OR51B5: variants seen among roughly 807,000 people sequenced by gnomAD.
OR51B5 encodes olfactory receptor family 51 subfamily B member 5, also known as olfactory receptor 51B5.
For synonymous variants in OR51B5, 186 were observed against 144.8 expected, an observed-to-expected ratio of 1.28 and a Z score of -2.04; for missense variants, 456 against 374.6, an observed-to-expected ratio of 1.22 and a Z score of -1.79.
At chr11:5,343,018 G>A in exon 1 of OR51B5, 2 of 1,613,792 alleles carry the variant, frequency 1.2e-6, no homozygotes, top group Admixed American at 3.3e-5. Context: ...AAAGAACATG[G>A]GAGTGACAAT....
chr11:5,430,752 CA>C (rs1564811100), intron 1 of OR51B5: 1 of 456,956 alleles, frequency 2.2e-6, no homozygotes, highest in Non-Finnish European at 4.4e-6. Context: ...CAGGTGGCAC[CA>C]AAAGGCAGAT....
chr11:5,497,115 C>A (rs1244465367), intron 1 of OR51B5, among the ~76,000 whole-genome samples: 1 of 152,124 alleles, frequency 6.6e-6, no homozygotes, highest in East Asian at 1.9e-4. Context: ...CTTGTTTCTC[C>A]TAAGACACTT....
intron 1 of OR51B5, among the ~76,000 whole-genome samples, chr11:5,474,159 T>C (rs1336489784): frequency 2.0e-5 from 3 of 152,196 alleles, no homozygotes; most frequent in African/African-American, 7.2e-5. Context: ...TTCATATGCA[T>C]TATTTAATAT....
At chr11:5,436,830 C>A (rs1189339766) in intron 1 of OR51B5, among the ~76,000 whole-genome samples, 1 of 152,174 alleles carries the variant, frequency 6.6e-6, no homozygotes, top group Non-Finnish European at 1.5e-5. Context: ...AAGACACAGA[C>A]TGATCAAAGT....
intron 1 of OR51B5, among the ~76,000 whole-genome samples, chr11:5,425,192 G>GA (rs1850430002): frequency 1.3e-5 from 2 of 151,966 alleles, no homozygotes; most frequent in East Asian, 1.9e-4. Flanking sequence ...TCCAAATGCT[G>GA]AAAAAAGTCA....
At chr11:5,415,852 G>A (rs1211664063) in intron 1 of OR51B5, among the ~76,000 whole-genome samples, 7 of 151,824 alleles carry the variant, frequency 4.6e-5, no homozygotes, top group African/African-American at 1.5e-4. Context: ...GAGGTACAAG[G>A]AGGAACTGGT....
At chr11:5,374,693 C>T (rs1306420360) in intron 1 of OR51B5, among the ~76,000 whole-genome samples, 2 of 152,102 alleles carry the variant, frequency 1.3e-5, no homozygotes, top group Admixed American at 6.5e-5. Context: ...AATGGAGAAG[C>T]CTCAGGAGCT....
At chr11:5,388,681 C>CT (rs1319564797) in intron 1 of OR51B5, among the ~76,000 whole-genome samples, 2 of 150,744 alleles carry the variant, frequency 1.3e-5, no homozygotes, top group Non-Finnish European at 3.0e-5. Context: ...CATTTTAAAC[C>CT]TTTTTTACTT....
intron 1 of OR51B5, among the ~76,000 whole-genome samples, chr11:5,425,367 G>T (rs1030586656): frequency 6.6e-6 from 1 of 152,162 alleles, no homozygotes; most frequent in Admixed American, 6.5e-5. Context: ...GATATCTATC[G>T]ATGCAATTTT....
At chr11:5,449,831 A>G (rs1253611222) in intron 1 of OR51B5, among the ~76,000 whole-genome samples, 3 of 152,126 alleles carry the variant, frequency 2.0e-5, no homozygotes, top group African/African-American at 4.8e-5. Flanking sequence ...ATACGTAAAA[A>G]TCTCCAGGAT....
At position 5,431,894 on chromosome 11, in the gene OR51B5, T is replaced by G. The variant is rs558458452; in HGVS notation, n.84+73675A>C. ...TTAAAAAAGTTTTAAATACTTTTTA[T>G]GGATGCATAATATTTGTACATATTT... is the stretch of plus-strand genomic sequence containing the variant. On this transcript the variant is annotated intron_variant and non_coding_transcript_variant, in intron 1 of 4. Transcript: ENST00000415970. Among the ~76,000 whole-genome samples, 10 of 152,342 alleles carry G rather than the reference T, an allele frequency of 6.6e-5. No homozygotes were observed. In the South Asian group the frequency reaches 1.9e-3, roughly 28 times the overall value.
chr11:5,373,829 G>C (rs974518389), intron 1 of OR51B5, among the ~76,000 whole-genome samples: 3 of 152,240 alleles, frequency 2.0e-5, no homozygotes, highest in African/African-American at 7.2e-5. Flanking sequence ...CAGCCAGGAA[G>C]CTCAAACTGG....
intron 1 of OR51B5, among the ~76,000 whole-genome samples, chr11:5,355,907 G>T (rs1849186684): frequency 6.6e-6 from 1 of 152,140 alleles, no homozygotes; most frequent in African/African-American, 2.4e-5. Flanking sequence ...AAAATCTGCT[G>T]CAAGCTGAGG....
chr11:5,390,378 G>A lies in OR51B5; in HGVS notation n.85-43468C>T, dbSNP rs539847205. ...CTAGGTCTTAAAAAGGCCAGTAAATGAGTCCTGGGGCTAAAACTCCCCCTA... is the reference window on the plus strand; with the variant it reads ...CTAGGTCTTAAAAAGGCCAGTAAATAAGTCCTGGGGCTAAAACTCCCCCTA... On this transcript the variant is annotated intron_variant and non_coding_transcript_variant, in intron 1 of 4. Transcript: ENST00000415970. 107 of 1,585,520 alleles carry A rather than the reference G, an allele frequency of 6.7e-5. No homozygotes were observed. The South Asian group carries it at 1.1e-3, about 16-fold the overall frequency.
chr11:5,393,321 T>C (rs1255816587), intron 1 of OR51B5: 1 of 152,156 alleles, frequency 6.6e-6, no homozygotes, highest in Non-Finnish European at 1.5e-5. Flanking sequence ...AGCATATTCA[T>C]TTGATACACT....
exon 1 of OR51B5, chr11:5,505,595 C>T (rs1291643285): frequency 2.8e-6 from 2 of 714,702 alleles, no homozygotes; most frequent in Non-Finnish European, 3.9e-6. Flanking sequence ...GGAGGCCTCA[C>T]AACCATGGCC....
chr11:5,399,862 G>C (rs1394121755), intron 1 of OR51B5, among the ~76,000 whole-genome samples: 1 of 152,070 alleles, frequency 6.6e-6, no homozygotes. Flanking sequence ...CTAGTTTCAA[G>C]TATCAGTCAA....
Position 5,489,247 on chromosome 11 carries a change from T to A in OR51B5, n.84+16322A>T, listed in dbSNP as rs371601863. On this transcript the variant is annotated intron_variant and non_coding_transcript_variant, in intron 1 of 4. Coordinates refer to the OR51B5 transcript ENST00000415970. The stretch of plus-strand genomic sequence containing the variant: ...TGGTCACCGTGTCATGACACACACA[T>A]ACTGTGAGCATATGGGCATTGCCCG... 39 of 1,614,030 alleles carry A rather than the reference T, an allele frequency of 2.4e-5. No homozygotes were observed. In the African/African-American group the frequency reaches 4.5e-4, roughly 19 times the overall value.
intron 1 of OR51B5, chr11:5,489,390 CT>C: frequency 1.2e-6 from 2 of 1,613,918 alleles, no homozygotes; most frequent in Non-Finnish European, 1.7e-6. Context: ...TCCATGCAGT[CT>C]TTCATCTTCC....
Sources: allele counts gnomAD v4.1 joint callset (sites outside exome capture counted in the v4.1 genomes callset), GRCh38; gene constraint gnomAD v4.1.1; transcripts MANE v1.5; gene names NCBI Gene and HGNC (gene_info 2026-07-23, HGNC 2026-07-21).